NIM1K: variants seen among roughly 807,000 people sequenced by gnomAD.
The protein encoded by NIM1K is serine/threonine-protein kinase NIM1.
A neutral mutation model predicts 37.1 loss-of-function variants in NIM1K; 35 were observed. The ratio of observed to expected loss-of-function variants is 0.94; its 90% CI spans 0.72 to 1.25. The LOEUF is 1.25. Ranked by LOEUF, NIM1K falls within the 50% of genes most tolerant of loss-of-function variation. The pLI, the probability that NIM1K is intolerant of heterozygous loss-of-function variation, is 0.00. For synonymous variants in NIM1K, 234 were observed against 206.6 expected (o/e 1.13, Z -1.14); for missense variants, 564 against 548.0 (o/e 1.03, Z -0.29).
chr5:43,202,156 G>C (rs754793407), intron 1 of NIM1K, among the ~76,000 whole-genome samples: 33 of 151,388 alleles, frequency 2.2e-4, no homozygotes, highest in Non-Finnish European at 4.1e-4. Flanking sequence ...TTTTTTCTTA[G>C]CTTGACTTTT....
chr5:43,254,661 C>T (rs964090150), intron 2 of NIM1K, among the ~76,000 whole-genome samples: 2 of 152,206 alleles, frequency 1.3e-5, no homozygotes, highest in South Asian at 4.1e-4. Flanking sequence ...ATGCTGTGAT[C>T]TCCCTGGAGG....
intron 1 of NIM1K, chr5:43,231,985 A>G (rs1198263705): frequency 3.0e-6 from 3 of 1,000,516 alleles, no homozygotes; most frequent in Admixed American, 3.6e-5. Context: ...ATTCAAGTCA[A>G]ACTTGTGGTC....
chr5:43,217,198 C>A (rs374759221), intron 1 of NIM1K, among the ~76,000 whole-genome samples: 1 of 152,122 alleles, frequency 6.6e-6, no homozygotes, highest in Non-Finnish European at 1.5e-5. Flanking sequence ...CTCTTCAGAA[C>A]GTTTCATGTA....
intron 1 of NIM1K, among the ~76,000 whole-genome samples, chr5:43,204,456 C>T (rs1381075153): frequency 6.6e-6 from 1 of 151,026 alleles, no homozygotes; most frequent in Non-Finnish European, 1.5e-5. Context: ...AATCCTAGTG[C>T]TTTGGGAGGC....
intron 1 of NIM1K, among the ~76,000 whole-genome samples, chr5:43,223,419 T>C (rs1752409294): frequency 6.6e-6 from 1 of 152,234 alleles, no homozygotes; most frequent in African/African-American, 2.4e-5. Context: ...AAATGTGTTA[T>C]ATAAGAGCTA....
intron 2 of NIM1K, among the ~76,000 whole-genome samples, chr5:43,259,975 C>A (rs1343499808): frequency 2.0e-5 from 3 of 151,910 alleles, no homozygotes; most frequent in African/African-American, 7.3e-5. Flanking sequence ...TGAGTGGGAT[C>A]CAGTTTTATT....
chr5:43,253,352 T>C (rs1752897911), intron 2 of NIM1K, among the ~76,000 whole-genome samples: 1 of 151,210 alleles, frequency 6.6e-6, no homozygotes, highest in Admixed American at 6.6e-5. Context: ...AGAATGTGCT[T>C]ACCTGTGCCC....
intron 1 of NIM1K, chr5:43,232,583 G>A (rs1217473618): frequency 1.3e-6 from 2 of 1,572,082 alleles, no homozygotes; most frequent in Non-Finnish European, 1.7e-6. Context: ...CAATCAGAGT[G>A]CTCCAGGGTG....
intron 2 of NIM1K, among the ~76,000 whole-genome samples, chr5:43,268,417 C>A (rs187766776): frequency 1.7e-3 from 253 of 152,070 alleles, no homozygotes; most frequent in African/African-American, 5.8e-3. Flanking sequence ...AGACCAGGTG[C>A]TTGCTGCTGA....
At chr5:43,268,478 C>G (rs147913773) in intron 2 of NIM1K, among the ~76,000 whole-genome samples, 411 of 152,248 alleles carry the variant, frequency 2.7e-3, no homozygotes, top group African/African-American at 8.9e-3. Context: ...TCCTCTTGTG[C>G]TGAGTCACTT....
intron 2 of NIM1K, among the ~76,000 whole-genome samples, chr5:43,255,747 CA>C (rs754820249): frequency 9.4e-6 from 1 of 106,904 alleles, no homozygotes; most frequent in African/African-American, 3.7e-5. Flanking sequence ...GACTCTGTCT[CA>C]AAAAAAAAAG....
At chr5:43,260,874 C>G (rs1030572664) in intron 2 of NIM1K, among the ~76,000 whole-genome samples, 1 of 152,016 alleles carries the variant, frequency 6.6e-6, no homozygotes, top group African/African-American at 2.4e-5. Flanking sequence ...GGTTTTCTGT[C>G]CTTGCGATAG....
chr5:43,205,603 T>TA (rs1206217438), intron 1 of NIM1K, among the ~76,000 whole-genome samples: 1 of 151,926 alleles, frequency 6.6e-6, no homozygotes, highest in African/African-American at 2.4e-5. Context: ...AAATACAAAT[T>TA]AAAAAAAATG....
chr5:43,264,909 T>C (rs542508039), intron 2 of NIM1K, among the ~76,000 whole-genome samples: 30 of 152,332 alleles, frequency 2.0e-4, no homozygotes, highest in African/African-American at 6.0e-4. Flanking sequence ...GAATTCTGGA[T>C]GGAAAATTCT....
intron 1 of NIM1K, among the ~76,000 whole-genome samples, chr5:43,219,502 A>T (rs967533070): frequency 6.6e-6 from 1 of 151,996 alleles, no homozygotes; most frequent in Non-Finnish European, 1.5e-5. Context: ...CAGCCTCCCA[A>T]AGTGCTGGGA....
chr5:43,224,589 T>C (rs560660276), intron 1 of NIM1K, among the ~76,000 whole-genome samples: 5 of 151,898 alleles, frequency 3.3e-5, no homozygotes, highest in African/African-American at 9.7e-5. Flanking sequence ...TGAGACAAAA[T>C]TAATATAAGT....
In NIM1K at chr5:43,271,968, G is replaced by A. The variant is rs188548848; in HGVS notation, c.293-5089G>A. On this transcript the variant is annotated intron_variant, in intron 2 of 3. Coordinates refer to ENST00000326035, the MANE Select transcript of NIM1K (RefSeq NM_153361.4). The stretch of plus-strand genomic sequence containing the variant: ...GCATTTTTCACTCACCATACTTCTC[G>A]GGCAATTCATCTAAACTGTTGTATC... Among the ~76,000 whole-genome samples, 31 of 152,016 alleles carry A rather than the reference G, an allele frequency of 2.0e-4. No individual in the cohort carries two copies. The East Asian group carries it at 4.1e-3, about 20-fold the overall frequency.
intron 1 of NIM1K, among the ~76,000 whole-genome samples, chr5:43,202,285 G>A (rs1400698650): frequency 6.6e-6 from 1 of 152,158 alleles, no homozygotes; most frequent in Non-Finnish European, 1.5e-5. Context: ...CTGGGCTCAA[G>A]AGATCCTTTC....
chr5:43,214,133 C>T (rs1414843081), intron 1 of NIM1K, among the ~76,000 whole-genome samples: 2 of 152,094 alleles, frequency 1.3e-5, no homozygotes, highest in Admixed American at 1.3e-4. Context: ...GAATGCTGGA[C>T]TCGACCATCC....
Sources: allele counts gnomAD v4.1 joint callset (sites outside exome capture counted in the v4.1 genomes callset), GRCh38; gene constraint gnomAD v4.1.1; transcripts MANE v1.5; gene names NCBI Gene and HGNC (gene_info 2026-07-23, HGNC 2026-07-21).